Variants in ITSN1 observed in about 807,000 individuals in gnomAD.
ITSN1 encodes the protein intersectin 1, also known as intersectin-1.
In ITSN1, 58 loss-of-function variants were observed where a neutral mutation model predicts 239.8. The ratio of observed to expected loss-of-function variants is 0.24; its 90% CI spans 0.20 to 0.30. The LOEUF (loss-of-function observed/expected upper bound fraction) is 0.30. ITSN1 is among the 10% of genes least tolerant of loss of function. The probability of loss-of-function intolerance (pLI) is 1.00; values close to 1 mark genes in which losing one functional copy is unlikely to be tolerated. For synonymous variants in ITSN1, 780 were observed against 770.8 expected (o/e 1.01, Z -0.20); for missense variants, 1,558 against 2,103.3 (o/e 0.74, Z 5.07).
intron 29 of ITSN1, chr21:33,837,038 C>A (rs1385092614): frequency 1.2e-6 from 2 of 1,612,166 alleles, no homozygotes; most frequent in African/African-American, 2.7e-5. Flanking sequence ...TCAAAGAGAC[C>A]CACTATCCCA....
chr21:33,670,603 C>T (rs2090207016), intron 1 of ITSN1, among the ~76,000 whole-genome samples: 1 of 152,120 alleles, frequency 6.6e-6, no homozygotes, highest in African/African-American at 2.4e-5. Flanking sequence ...CCAGTGCATA[C>T]ATGCATGAAT....
intron 29 of ITSN1, chr21:33,838,247 T>A (rs1384931633): frequency 1.5e-5 from 15 of 985,204 alleles, no homozygotes; most frequent in Non-Finnish European, 6.0e-6. Flanking sequence ...TCCTAAAGAC[T>A]CTGTAATGCT....
intron 33 of ITSN1, among the ~76,000 whole-genome samples, chr21:33,874,938 T>C (rs1174651243): frequency 2.0e-5 from 3 of 152,218 alleles, no homozygotes; most frequent in Non-Finnish European, 4.4e-5. Flanking sequence ...TGAGCCACTG[T>C]GCCCGGCCAA....
At chr21:33,699,959 G>A (rs149486960) in intron 1 of ITSN1, among the ~76,000 whole-genome samples, 217 of 151,994 alleles carry the variant, frequency 1.4e-3, no homozygotes, top group African/African-American at 5.0e-3. Flanking sequence ...ACAGCATCTT[G>A]CTATGTTGCC....
At chr21:33,789,388 T>G (rs1206222584) in intron 16 of ITSN1, among the ~76,000 whole-genome samples, 1 of 152,190 alleles carries the variant, frequency 6.6e-6, no homozygotes, top group African/African-American at 2.4e-5. Context: ...ATGTTATATG[T>G]GAGCTAAATA....
chr21:33,723,200 G>A (rs2065605357), intron 4 of ITSN1, among the ~76,000 whole-genome samples: 1 of 152,178 alleles, frequency 6.6e-6, no homozygotes, highest in African/African-American at 2.4e-5. Flanking sequence ...CTTGGCTCAT[G>A]GCTTTGGAGA....
Position 33,767,798 on chromosome 21 carries a change from G to T in ITSN1, c.1012G>T (p.Glu338Ter). The change falls in exon 11 of 40, where the codon GAA becomes TAA. Residue 338 changes from glutamate to a stop codon, truncating the protein, a stop_gained. Transcript: ENST00000381318. LOFTEE classifies it high-confidence loss of function. ...ACCAGAGGAACCAGTTTTAGAAGAT[G>T]AACAACAACAATTAGAAAAGAAATT... is the stretch of plus-strand genomic sequence containing the variant. Reference protein sequence around the residue: ...RLPEEPVLEDEQQQLEKKLPV... With the variant: ...RLPEEPVLED 1.2e-6 allele frequency: 2 copies of T among 1,609,206 alleles called. No individual in the cohort carries two copies. The highest frequency in any genetic ancestry group is 2.2e-5 in the South Asian group (2 of 90,842).
At chr21:33,724,150 C>G (rs549068645) in intron 4 of ITSN1, among the ~76,000 whole-genome samples, 1 of 151,912 alleles carries the variant, frequency 6.6e-6, no homozygotes, top group East Asian at 1.9e-4. Flanking sequence ...CGAAATGATA[C>G]CAGATCTCTG....
At position 33,814,082 on chromosome 21, in the gene ITSN1, G is replaced by T; in HGVS notation, c.2727+10G>T. The stretch of plus-strand genomic sequence containing the variant: ...TCCTGTGCTAGGCCAGGTAAAGGCA[G>T]CCAGTGAGAGTGTGAAGACTTAGCA... On this transcript the variant is annotated intron_variant, in intron 22 of 39. Transcript: ENST00000381318. 4 of 1,613,450 alleles carry T rather than the reference G, an allele frequency of 2.5e-6. No individual in the cohort carries two copies. The highest frequency in any genetic ancestry group is 3.4e-6 in the Non-Finnish European group (4 of 1,179,640).
At chr21:33,801,448 G>C (rs1378180853) in intron 19 of ITSN1, among the ~76,000 whole-genome samples, 1 of 151,938 alleles carries the variant, frequency 6.6e-6, no homozygotes, top group Non-Finnish European at 1.5e-5. Context: ...AAGAAGCAAG[G>C]CCAAACATCC....
Position 33,755,335 on chromosome 21 carries a change from C to T in ITSN1, c.662C>T (p.Ser221Leu). The change falls in exon 8 of 40, where the codon TCA becomes TTA. Residue 221 changes from serine to leucine, a missense_variant. This residue lies in a region of ITSN1 where 982 missense variants were observed against 1,209.9 expected (regional missense o/e 0.81). Coordinates refer to ENST00000381318, the MANE Select transcript of ITSN1 (RefSeq NM_003024.3). ...GCAGAGTGGGCTGTTCCTCAGTCAT[C>T]AAGACTGAAATACAGGCAATTATTC... Reference protein sequence around the residue: ...PVAEWAVPQSSRLKYRQLFNS... With the variant: ...PVAEWAVPQSLRLKYRQLFNS... 1 of 1,610,956 alleles carries T rather than the reference C, an allele frequency of 6.2e-7. No individual in the cohort carries two copies. Among genetic ancestry groups the T allele is most frequent in the Non-Finnish European group, 8.5e-7 (1 of 1,178,016 alleles).
intron 14 of ITSN1, among the ~76,000 whole-genome samples, chr21:33,779,247 A>T (rs1487040969): frequency 5.3e-5 from 8 of 151,558 alleles, no homozygotes; most frequent in Admixed American, 5.3e-4. Context: ...CTCAAGCTTC[A>T]TAAGGAGGAA....
intron 37 of ITSN1, 137 bp from the exon 38 acceptor site, chr21:33,885,302 G>T: frequency 9.9e-7 from 1 of 1,008,216 alleles, no homozygotes. Flanking sequence ...CCAGGAGCAA[G>T]GAAGCAAGTG....
intron 31 of ITSN1, among the ~76,000 whole-genome samples, chr21:33,861,009 G>A (rs1309684440): frequency 6.6e-6 from 1 of 152,136 alleles, no homozygotes; most frequent in Admixed American, 6.5e-5. Flanking sequence ...CTGATTCCCG[G>A]ATTAGCTTGT....
intron 12 of ITSN1, among the ~76,000 whole-genome samples, chr21:33,773,507 C>T (rs1247774228): frequency 6.6e-6 from 1 of 151,904 alleles, no homozygotes; most frequent in Non-Finnish European, 1.5e-5. Context: ...AGGAATTTTT[C>T]GATGTAAAAA....
chr21:33,727,721 C>CT (rs1050431226), intron 4 of ITSN1, among the ~76,000 whole-genome samples: 4 of 151,836 alleles, frequency 2.6e-5, no homozygotes, highest in African/African-American at 9.7e-5. Flanking sequence ...AAGATGACAT[C>CT]TTAGTTACCT....
At chr21:33,726,073 A>G (rs1249621603) in intron 4 of ITSN1, among the ~76,000 whole-genome samples, 1 of 152,188 alleles carries the variant, frequency 6.6e-6, no homozygotes, top group Admixed American at 6.5e-5. Flanking sequence ...AGCTCACTGC[A>G]ACCTCTGCCT....
At chr21:33,654,503 G>C (rs118104528) in intron 1 of ITSN1, among the ~76,000 whole-genome samples, 1,694 of 152,168 alleles carry the variant, frequency 0.011, 18 homozygotes, top group Non-Finnish European at 0.018. Flanking sequence ...AGAACCTTTG[G>C]AATGTATATC....
intron 16 of ITSN1, among the ~76,000 whole-genome samples, chr21:33,791,768 G>C (rs552305230): frequency 1.3e-5 from 2 of 152,240 alleles, no homozygotes; most frequent in South Asian, 4.2e-4. Flanking sequence ...ATACATCATG[G>C]CCAGTGTCCA....
Sources: gnomAD v4.1 joint callset for allele counts (sites outside exome capture counted in the v4.1 genomes callset) on GRCh38, gnomAD v4.1.1 for gene constraint, gnomAD v4.1.1 regional missense constraint, MANE v1.5 for transcripts, NCBI Gene and HGNC (gene_info 2026-07-23, HGNC 2026-07-21) for gene names.